Variants in LMAN1 observed in about 807,000 individuals in gnomAD.
LMAN1 encodes protein ERGIC-53.
Under a neutral mutation model 67.8 loss-of-function variants are expected in LMAN1, and 32 were observed. That is an observed-to-expected ratio of 0.47 (90% confidence interval 0.36 to 0.63). The LOEUF (loss-of-function observed/expected upper bound fraction) is 0.63, where lower values mean the gene tolerates loss of function less well. Among genes scored for constraint, LMAN1 ranks in the 30% least tolerant of loss-of-function variants. The pLI is 0.00. For missense variants in LMAN1, 632 were observed against 628.2 expected, an observed-to-expected ratio of 1.01 and a Z score of -0.06; for synonymous variants, 235 against 219.3, an observed-to-expected ratio of 1.07 and a Z score of -0.63.
intron 10 of LMAN1, among the ~76,000 whole-genome samples, chr18:59,337,039 T>C (rs1908174884): frequency 6.6e-6 from 1 of 151,582 alleles, no homozygotes; most frequent in Non-Finnish European, 1.5e-5. Context: ...CAAAGTACCT[T>C]CTCCAAAATA....
At position 59,329,187 on chromosome 18, in the gene LMAN1, C is replaced by A. The variant is rs1603393369; in HGVS notation, c.*1906G>T. 1 of 152,150 alleles carries A rather than the reference C, an allele frequency of 6.6e-6. No individual in the cohort carries two copies. Among genetic ancestry groups the A allele is most frequent in the South Asian group, 2.1e-4 (1 of 4,832 alleles). The allele number at this position is 152,150 out of a possible 1,614,324, so 9.4% of individuals were successfully genotyped here. A position where few individuals can be genotyped will look rare whatever the true frequency, so the allele number is the denominator to read the frequency against. On this transcript the variant is annotated 3_prime_UTR_variant, in exon 13 of 13. Transcript: ENST00000251047. Reference sequence around the variant, plus strand: ...AGTGATTTTCAAGCAAAGTATATCACTAAGTATAAAAGATAAAAGGCTCAT... The same window carrying A: ...AGTGATTTTCAAGCAAAGTATATCAATAAGTATAAAAGATAAAAGGCTCAT...
chr18:59,332,913 C>T (rs534944768), intron 11 of LMAN1, among the ~76,000 whole-genome samples, 178 bp downstream of exon 11: 2 of 152,186 alleles, frequency 1.3e-5, no homozygotes, highest in African/African-American at 2.4e-5. Context: ...ACTGTTCTTC[C>T]ACCTTCAATA....
At chr18:59,348,968 C>T (rs1908481197) in intron 6 of LMAN1, 145 bp downstream of exon 6, 12 of 965,652 alleles carry the variant, frequency 1.2e-5, no homozygotes, top group Admixed American at 3.5e-5. Flanking sequence ...CTCAACAGAC[C>T]AAAAGACTGG....
chr18:59,332,876 T>C (rs2070756125), intron 11 of LMAN1, among the ~76,000 whole-genome samples: 1 of 152,128 alleles, frequency 6.6e-6, no homozygotes, highest in African/African-American at 2.4e-5. Context: ...AAATATTACA[T>C]ATTAAAAAAC....
chr18:59,354,318 T>C (rs970106925), intron 4 of LMAN1, among the ~76,000 whole-genome samples: 2 of 152,208 alleles, frequency 1.3e-5, no homozygotes, highest in Non-Finnish European at 2.9e-5. Flanking sequence ...CATACCATGG[T>C]TGAATCTGAG....
At chr18:59,331,344 A>T (rs2070746175) in intron 12 of LMAN1, 74 bp downstream of exon 12, 3 of 1,419,418 alleles carry the variant, frequency 2.1e-6, no homozygotes, top group Non-Finnish European at 3.0e-6. Flanking sequence ...TTATGAACAT[A>T]GATAACTTAG....
At position 59,328,897 on chromosome 18, in the gene LMAN1, A is replaced by G. The variant is rs147514337; in HGVS notation, c.*2196T>C. The G allele has an allele frequency of 9.5e-4, 145 of 152,370 alleles. No individual in the cohort carries two copies. Among genetic ancestry groups the G allele is most frequent in the African/African-American group, 3.4e-3 (140 of 41,586 alleles). The allele number at this position is 152,370 out of a possible 1,614,324, so 9.4% of individuals were successfully genotyped here. ...ATTACGCAATTGCATTTTCCTTTTA[A>G]AAGTGGCATCATAGACACAATGACT... On this transcript the variant is annotated 3_prime_UTR_variant, in exon 13 of 13. Coordinates refer to ENST00000251047, the MANE Select transcript of LMAN1 (RefSeq NM_005570.4).
intron 7 of LMAN1, among the ~76,000 whole-genome samples, chr18:59,346,579 G>A (rs1908413719): frequency 6.7e-6 from 1 of 149,138 alleles, no homozygotes; most frequent in African/African-American, 2.5e-5. Context: ...GAAGTGCAGT[G>A]TCTTGATCTC....
intron 10 of LMAN1, among the ~76,000 whole-genome samples, chr18:59,336,076 C>T (rs565752241): frequency 2.6e-5 from 4 of 152,174 alleles, no homozygotes; most frequent in Non-Finnish European, 4.4e-5. Flanking sequence ...TCTGCATAAT[C>T]TCATGGTTTA....
At chr18:59,336,506 C>CTAAA (rs1359663450) in intron 10 of LMAN1, among the ~76,000 whole-genome samples, 1 of 152,074 alleles carries the variant, frequency 6.6e-6, no homozygotes, top group African/African-American at 2.4e-5. Context: ...AAATAAATAA[C>CTAAA]TAAATAAATA....
At chr18:59,357,784 T>A (rs1908692560) in intron 1 of LMAN1, among the ~76,000 whole-genome samples, 1 of 152,092 alleles carries the variant, frequency 6.6e-6, no homozygotes, top group Non-Finnish European at 1.5e-5. Context: ...AACTGGATAA[T>A]CTAAAGTGAT....
rs530806945 is a variant in LMAN1 at position 59,331,476 on chromosome 18, G to A, written c.1438C>T (p.His480Tyr). 2.7e-5 allele frequency: 44 copies of A among 1,610,690 alleles called. No individual in the cohort carries two copies. In the African/African-American group the frequency reaches 3.3e-4, roughly 12 times the overall value. The change falls in exon 12 of 13, where the codon CAC (histidine) becomes TAC (tyrosine). Residue 480 changes from histidine to tyrosine, a missense_variant. By Grantham distance (83) the His-to-Tyr change is moderately conservative (BLOSUM62 2). Transcript: ENST00000251047. ...PPFPSCLSTV[H>Y]FIIFVVVQTV... Reference sequence around the variant, plus strand: ...TGCACCACAACAAATATAATGAAGTGGACCGTAGACAAACATGATGGAAAT... The same window carrying A: ...TGCACCACAACAAATATAATGAAGTAGACCGTAGACAAACATGATGGAAAT...
chr18:59,358,445 G>A (rs570754639), intron 1 of LMAN1, among the ~76,000 whole-genome samples: 1 of 152,276 alleles, frequency 6.6e-6, no homozygotes, highest in African/African-American at 2.4e-5. Flanking sequence ...AACAGTATAA[G>A]AATGTCTTCT....
intron 8 of LMAN1, among the ~76,000 whole-genome samples, chr18:59,344,684 T>C (rs1463244073): frequency 2.0e-5 from 3 of 151,726 alleles, no homozygotes; most frequent in Non-Finnish European, 4.4e-5. Context: ...GGTTGAAAAT[T>C]ACCCACTGAG....
In LMAN1 at chr18:59,347,524, C is replaced by T; in HGVS notation, c.811G>A (p.Gly271Arg). ...ATGTGTAAAATTACCGGCTCTTTTC[C>T]AGGTTCAGTCAACTGGAAAGTCAGA... Reference protein sequence around the residue: ...SFLTFQLTEPGKEPPTPDKEI... With the variant: ...SFLTFQLTEPRKEPPTPDKEI... Residue 271 changes from glycine (G) to arginine (R), a missense_variant, in exon 7 of 13, where the codon GGA (glycine) becomes AGA (arginine). By Grantham distance (125) the Gly-to-Arg change is moderately radical. Transcript: ENST00000251047. The T allele has an allele frequency of 6.2e-7, 1 of 1,608,818 alleles. No homozygotes were observed. Among genetic ancestry groups the T allele is most frequent in the Non-Finnish European group, 8.5e-7 (1 of 1,177,212 alleles).
At chr18:59,344,113 A>G (rs754281302) in intron 8 of LMAN1, among the ~76,000 whole-genome samples, 16 of 152,310 alleles carry the variant, frequency 1.1e-4, no homozygotes, top group Non-Finnish European at 8.8e-5. Context: ...ACAAGTCACA[A>G]TGGCCATTAT....
Position 59,351,298 on chromosome 18 carries a change from T to C in LMAN1, c.639+1904A>G, listed in dbSNP as rs1214717046. The C allele has an allele frequency of 2.0e-5, 3 of 152,174 alleles. No individual in the cohort carries two copies. In the East Asian group the frequency reaches 5.8e-4, roughly 29 times the overall value. The allele number at this position is 152,174 out of a possible 1,614,324, so 9.4% of individuals were successfully genotyped here. A position where few individuals can be genotyped will look rare whatever the true frequency, so the allele number is the denominator to read the frequency against. Reference sequence around the variant, plus strand: ...GAGAAAAAAAAATACTCTAAGAGTTTAGGAGAGACAGATCATTATGAGCTG... The same window carrying C: ...GAGAAAAAAAAATACTCTAAGAGTTCAGGAGAGACAGATCATTATGAGCTG... On this transcript the variant is annotated intron_variant, in intron 5 of 12. Coordinates refer to ENST00000251047, the MANE Select transcript of LMAN1 (RefSeq NM_005570.4).
intron 6 of LMAN1, among the ~76,000 whole-genome samples, 192 bp from the exon 7 acceptor site, chr18:59,347,763 A>G (rs1247547242): frequency 6.6e-6 from 1 of 152,260 alleles, no homozygotes; most frequent in Admixed American, 6.5e-5. Flanking sequence ...TGAAAGATTT[A>G]TATTAGAAAT....
At chr18:59,344,065 A>C (rs1278061586) in intron 8 of LMAN1, among the ~76,000 whole-genome samples, 1 of 152,088 alleles carries the variant, frequency 6.6e-6, no homozygotes, top group Non-Finnish European at 1.5e-5. Context: ...AATCATCAAA[A>C]AAATCCAAAT....
Sources: allele counts gnomAD v4.1 joint callset (sites outside exome capture counted in the v4.1 genomes callset), GRCh38; gene constraint gnomAD v4.1.1; transcripts MANE v1.5; gene names NCBI Gene and HGNC (gene_info 2026-07-23, HGNC 2026-07-21).